NQO2: variants seen among roughly 807,000 people sequenced by gnomAD.
NQO2 encodes the protein ribosyldihydronicotinamide dehydrogenase [quinone].
A neutral mutation model predicts 22.0 loss-of-function variants in NQO2; 18 were observed. That is an observed-to-expected ratio of 0.82 (90% CI 0.56 to 1.21). The LOEUF is 1.21. Ranked by LOEUF, NQO2 falls within the 50% of genes most tolerant of loss-of-function variation. NQO2 has a pLI of 0.00. For missense variants in NQO2, 267 were observed against 286.9 expected, an observed-to-expected ratio of 0.93 and a Z score of 0.50; for synonymous variants, 106 against 110.8, an observed-to-expected ratio of 0.96 and a Z score of 0.28.
At chr6:3,002,685 A>T (rs1756775012) in intron 1 of NQO2, among the ~76,000 whole-genome samples, 1 of 148,300 alleles carries the variant, frequency 6.7e-6, no homozygotes, top group Non-Finnish European at 1.5e-5. Flanking sequence ...CCTCACCCCT[A>T]CCCTAGGAGG....
At chr6:3,013,188 C>T (rs182240084) in intron 4 of NQO2, among the ~76,000 whole-genome samples, 1 of 151,740 alleles carries the variant, frequency 6.6e-6, no homozygotes, top group East Asian at 1.9e-4. Context: ...ATCTCCTGAC[C>T]TCGTGATCCA....
chr6:3,001,782 C>T (rs1756738256), intron 1 of NQO2, among the ~76,000 whole-genome samples: 1 of 152,142 alleles, frequency 6.6e-6, no homozygotes, highest in Admixed American at 6.5e-5. Flanking sequence ...CTGGTATATA[C>T]AGTTTAATAA....
At chr6:3,010,001 G>A in intron 2 of NQO2, 24 bp from the exon 3 acceptor site, 1 of 1,593,326 alleles carries the variant, frequency 6.3e-7, no homozygotes, top group Non-Finnish European at 8.6e-7. Flanking sequence ...TCTTCAAGAG[G>A]AACTGTTTCT....
chr6:3,012,882 CCTAGTTACAACACTTCAT>C (rs1270159838), intron 4 of NQO2, among the ~76,000 whole-genome samples: 11 of 150,198 alleles, frequency 7.3e-5, no homozygotes, highest in Non-Finnish European at 1.2e-4. Flanking sequence ...CAACACTTCA[CCTAGTTACAACACTTCAT>C]CTAGTTACAA....
At chr6:3,018,149 C>G (rs911100411) in intron 6 of NQO2, among the ~76,000 whole-genome samples, 1 of 152,120 alleles carries the variant, frequency 6.6e-6, no homozygotes, top group Non-Finnish European at 1.5e-5. Flanking sequence ...TTTTTGACCC[C>G]GACCATTTGC....
chr6:3,014,600 A>T (rs368051524), intron 4 of NQO2, among the ~76,000 whole-genome samples: 1 of 151,876 alleles, frequency 6.6e-6, no homozygotes, highest in East Asian at 1.9e-4. Flanking sequence ...GTTTCACTTC[A>T]TTTCACTCCA....
intron 3 of NQO2, 43 bp downstream of exon 3, chr6:3,010,232 A>G: frequency 6.8e-7 from 1 of 1,467,490 alleles, no homozygotes; most frequent in Non-Finnish European, 9.1e-7. Flanking sequence ...AACCATCTTT[A>G]TGTTTTTTAC....
Position 3,006,649 on chromosome 6 carries a change from C to A in NQO2, c.7+90C>A, listed in dbSNP as rs376280614. ...CAGGCTGGTCTCAAACTCCTGAGCT[C>A]AAGTGACCCTCCCACATTGACCTTC... On this transcript the variant is annotated intron_variant, in intron 2 of 6. Transcript: ENST00000380455. The surrounding 1 kb of genome is among the most constrained non-coding windows in gnomAD (Gnocchi z 4.0). 7.5e-7 allele frequency: 1 copy of A among 1,325,990 alleles called. No homozygotes were observed. The highest frequency in any genetic ancestry group is 1.0e-6 in the Non-Finnish European group (1 of 982,658). 82.1% of individuals were successfully genotyped at this position (1,325,990 alleles called of 1,614,324 possible).
intron 3 of NQO2, 67 bp downstream of exon 3, chr6:3,010,256 G>A: frequency 7.3e-7 from 1 of 1,363,568 alleles, no homozygotes; most frequent in Non-Finnish European, 9.7e-7. Flanking sequence ...AAAAAATGTT[G>A]ACTTCCAGCT....
Position 3,005,662 on chromosome 6 carries a change from G to GTA in NQO2, c.-85-804_-85-803dup, listed in dbSNP as rs1213241793. 1.9e-5 allele frequency: 19 copies of GTA among 985,212 alleles called. No homozygotes were observed. In the African/African-American group the frequency reaches 3.0e-4, roughly 15 times the overall value. The allele number at this position is 985,212 out of a possible 1,614,324, so 61.0% of individuals were successfully genotyped here. A position where few individuals can be genotyped will look rare whatever the true frequency, so the allele number is the denominator to read the frequency against. Reference sequence around the variant, plus strand: ...AGAGTGGGTTTGTTGGAGTCTCCTTGTATCTCCCAGAAGGAAGCCAGAATT... The same window carrying GTA: ...AGAGTGGGTTTGTTGGAGTCTCCTTGTATATCTCCCAGAAGGAAGCCAGAATT... On this transcript the variant is annotated intron_variant, in intron 1 of 6. Coordinates refer to ENST00000380455, the MANE Select transcript of NQO2 (RefSeq NM_000904.6).
At chr6:3,003,575 A>G (rs1756820346) in intron 1 of NQO2, 1 of 705,402 alleles carries the variant, frequency 1.4e-6, no homozygotes, top group African/African-American at 2.0e-5. Context: ...TATACAGACT[A>G]TCTTTTATTG....
At chr6:3,015,896 T>C (rs4149369) in intron 5 of NQO2, among the ~76,000 whole-genome samples, 117,212 of 152,066 alleles carry the variant, frequency 0.77, 45,710 homozygotes, top group African/African-American at 0.9. Flanking sequence ...AGGGAGTGGG[T>C]CAGGTGTCAG....
chr6:3,015,626 G>A lies in NQO2; in HGVS notation c.400G>A (p.Asp134Asn), dbSNP rs774919655. 1.5e-5 allele frequency: 24 copies of A among 1,614,042 alleles called. No individual in the cohort carries two copies. In the South Asian group the frequency reaches 2.1e-4, roughly 14 times the overall value. ...TGCCTTTGACATCCCAGGATTCTAC[G>A]ATTCCGGTTTGCTCCAGGTATGTGC... The part of the protein sequence containing the change: ...GFAFDIPGFY[D>N]SGLLQGKLAL... Residue 134 changes from aspartate (D) to asparagine (N), a missense_variant, in exon 5 of 7, where the codon GAT becomes AAT. By Grantham distance (23) the Asp-to-Asn change is conservative. Transcript: ENST00000380455.
chr6:3,017,802 G>T (rs1383406463), intron 6 of NQO2, among the ~76,000 whole-genome samples: 1 of 152,116 alleles, frequency 6.6e-6, no homozygotes, highest in African/African-American at 2.4e-5. Context: ...GTCGAGACAG[G>T]GGGAGAGCTC....
chr6:3,009,974 T>G, intron 2 of NQO2, 51 bp from the exon 3 acceptor site: 1 of 1,560,468 alleles, frequency 6.4e-7, no homozygotes, highest in Middle Eastern at 1.7e-4. Context: ...TCATTGAATT[T>G]AACAGAGAGA....
At chr6:3,003,834 A>C in intron 1 of NQO2, 1 of 869,092 alleles carries the variant, frequency 1.2e-6, no homozygotes, top group Non-Finnish European at 1.4e-6. Flanking sequence ...TCAGACAGAC[A>C]GTGCATGGCC....
Position 3,012,946 on chromosome 6 carries a change from C to CTTTTTT in NQO2, c.303+294_303+299dup, listed in dbSNP as rs751626888. 1.9e-3 allele frequency among the ~76,000 whole-genome samples: 115 copies of CTTTTTT among 60,724 alleles called. 29 individuals carry two copies. Among genetic ancestry groups the CTTTTTT allele is most frequent in the African/African-American group, 5.2e-3 (70 of 13,538 alleles). The allele number at this position is 60,724 out of a possible 152,430, so 39.8% of individuals were successfully genotyped here. A position where few individuals can be genotyped will look rare whatever the true frequency, so the allele number is the denominator to read the frequency against. On this transcript the variant is annotated intron_variant, in intron 4 of 6. Coordinates refer to ENST00000380455, the MANE Select transcript of NQO2 (RefSeq NM_000904.6). Reference sequence around the variant, plus strand: ...AACACTGTACGTAGATGTAACACTACTTTTTTTTTTTTTTTTTTTTTTTTT... The same window carrying CTTTTTT: ...AACACTGTACGTAGATGTAACACTACTTTTTTTTTTTTTTTTTTTTTTTTTTTTTTT...
intron 6 of NQO2, among the ~76,000 whole-genome samples, chr6:3,019,187 A>G (rs1757446722): frequency 6.6e-6 from 1 of 152,182 alleles, no homozygotes; most frequent in Non-Finnish European, 1.5e-5. Context: ...TTGCCCAATC[A>G]AGCAGAACTA....
At chr6:3,014,445 C>T (rs895360613) in intron 4 of NQO2, among the ~76,000 whole-genome samples, 11 of 152,188 alleles carry the variant, frequency 7.2e-5, no homozygotes, top group East Asian at 5.8e-4. Context: ...AGCAGAGCCA[C>T]GCTGAGCTCT....
Sources: gnomAD v4.1 joint callset for allele counts (sites outside exome capture counted in the v4.1 genomes callset) on GRCh38, gnomAD v4.1.1 for gene constraint, Gnocchi (gnomAD v3.1) non-coding constraint, MANE v1.5 for transcripts, NCBI Gene and HGNC (gene_info 2026-07-23, HGNC 2026-07-21) for gene names.